LMF1: variants seen among roughly 807,000 people sequenced by gnomAD.
LMF1 encodes the protein transmembrane protein 112.
LMF1 carries 68 observed loss-of-function variants against 60.6 expected under a neutral mutation model. That is an observed-to-expected ratio of 1.12 (90% CI 0.92 to 1.37). The LOEUF (loss-of-function observed/expected upper bound fraction) is 1.37, where lower values mean the gene tolerates loss of function less well. Ranked by LOEUF, LMF1 falls within the 40% of genes most tolerant of loss-of-function variation. The pLI is 0.00. For synonymous variants in LMF1, 418 were observed against 324.7 expected (o/e 1.29, Z -3.09); for missense variants, 948 against 767.2 (o/e 1.24, Z -2.78).
chr16:932,226 C>T (rs111586631), intron 3 of LMF1, among the ~76,000 whole-genome samples: 8 of 152,134 alleles, frequency 5.3e-5, no homozygotes, highest in African/African-American at 9.7e-5. Flanking sequence ...GCCTCACAGG[C>T]GGGGGCACGG....
intron 10 of LMF1, among the ~76,000 whole-genome samples, chr16:861,446 C>T (rs2069464772): frequency 6.7e-6 from 1 of 149,500 alleles, no homozygotes. Context: ...TAACCTCTGC[C>T]TCCCCGGTAC....
chr16:954,077 C>T (rs2072600888), intron 2 of LMF1, among the ~76,000 whole-genome samples: 1 of 151,496 alleles, frequency 6.6e-6, no homozygotes, highest in Non-Finnish European at 1.5e-5. Flanking sequence ...ACTGCTTCTG[C>T]CTCCCTTTCC....
intron 4 of LMF1, chr16:893,304 C>A: frequency 1.6e-6 from 1 of 623,128 alleles, no homozygotes. Context: ...CGGGCGTGAG[C>A]AACAGTGGCT....
chr16:871,361 G>C lies in LMF1; in HGVS notation c.898-20C>G. On this transcript the variant is annotated intron_variant, in intron 6 of 10. Coordinates refer to ENST00000262301, the MANE Select transcript of LMF1 (RefSeq NM_022773.4). ...GACGGCCTGTGGAGACGCCGCAGCT[G>C]AGTCTCGTGCAGGGGCTCGTGTGGG... 6.2e-7 allele frequency: 1 copy of C among 1,610,590 alleles called. No homozygotes were observed. The highest frequency in any genetic ancestry group is 8.5e-7 in the Non-Finnish European group (1 of 1,179,196).
At chr16:922,391 C>G (rs185548617) in intron 3 of LMF1, among the ~76,000 whole-genome samples, 7 of 152,220 alleles carry the variant, frequency 4.6e-5, no homozygotes, top group Non-Finnish European at 7.3e-5. Context: ...GCAGGCAGAG[C>G]GGCCACTGGG....
intron 2 of LMF1, among the ~76,000 whole-genome samples, chr16:936,651 GC>G (rs1183095870): frequency 2.6e-5 from 4 of 152,192 alleles, no homozygotes; most frequent in African/African-American, 9.7e-5. Flanking sequence ...TACACTCCCT[GC>G]CCCCCTTTCC....
At chr16:880,651 A>G (rs1336647326) in intron 5 of LMF1, among the ~76,000 whole-genome samples, 1 of 152,276 alleles carries the variant, frequency 6.6e-6, no homozygotes, top group Non-Finnish European at 1.5e-5. Context: ...CCTAGGCAAC[A>G]GAACAAGACC....
chr16:934,794 G>A (rs957677767), intron 2 of LMF1, among the ~76,000 whole-genome samples: 3 of 152,216 alleles, frequency 2.0e-5, no homozygotes, highest in Non-Finnish European at 4.4e-5. Flanking sequence ...GGTGTCTAGA[G>A]GAGGCAGAGC....
chr16:945,487 C>A (rs1353482475), intron 2 of LMF1, among the ~76,000 whole-genome samples: 1 of 150,842 alleles, frequency 6.6e-6, no homozygotes, highest in African/African-American at 2.5e-5. Flanking sequence ...GACTGTGTGA[C>A]TGCATTCCAG....
chr16:956,416 G>C (rs563672493), intron 1 of LMF1, among the ~76,000 whole-genome samples: 1 of 152,256 alleles, frequency 6.6e-6, no homozygotes, highest in African/African-American at 2.4e-5. Context: ...GCAGTTGAAA[G>C]TAAAAAAGAT....
chr16:923,003 G>A (rs898030671), intron 3 of LMF1, among the ~76,000 whole-genome samples: 169 of 109,892 alleles, frequency 1.5e-3, no homozygotes, highest in South Asian at 2.4e-3. Context: ...GTGATGTGGT[G>A]TTGGTGTCGT....
intron 1 of LMF1, chr16:976,145 CCT>C (rs1294193791): frequency 8.8e-6 from 4 of 453,780 alleles, no homozygotes; most frequent in Non-Finnish European, 1.8e-5. Context: ...CCCCCCAGGC[CCT>C]GTGTCCCTTC....
chr16:955,521 C>G (rs1341604416), intron 1 of LMF1, among the ~76,000 whole-genome samples: 1 of 150,554 alleles, frequency 6.6e-6, no homozygotes, highest in Non-Finnish European at 1.5e-5. Flanking sequence ...AAAATGCGTG[C>G]CCGCAGCAGA....
chr16:938,149 G>A (rs531141934), intron 2 of LMF1, among the ~76,000 whole-genome samples: 2 of 152,350 alleles, frequency 1.3e-5, no homozygotes, highest in Admixed American at 6.5e-5. Flanking sequence ...AGACCACTGT[G>A]CCTCCCACTC....
intron 1 of LMF1, among the ~76,000 whole-genome samples, chr16:956,606 G>A (rs1026808453): frequency 4.6e-5 from 7 of 152,140 alleles, no homozygotes; most frequent in Admixed American, 1.3e-4. Flanking sequence ...CACTTTGGGA[G>A]GCCAAGGCAG....
intron 1 of LMF1, among the ~76,000 whole-genome samples, chr16:967,293 G>A (rs2072943884): frequency 6.6e-6 from 1 of 152,234 alleles, no homozygotes; most frequent in African/African-American, 2.4e-5. Context: ...GACCAGTGAG[G>A]GCCTCAATCT....
intron 4 of LMF1, chr16:905,234 C>G (rs1343080790): frequency 6.3e-6 from 1 of 159,858 alleles, no homozygotes; most frequent in Non-Finnish European, 1.3e-5. Flanking sequence ...GCACCGCCCA[C>G]AGGATGCCTG....
chr16:883,833 G>A (rs2070231520), intron 5 of LMF1: 1 of 151,518 alleles, frequency 6.6e-6, no homozygotes, highest in Non-Finnish European at 1.5e-5. Context: ...TGATCACTTT[G>A]ATTGTAGTTT....
In LMF1 at chr16:867,713, T is replaced by C. The variant is rs544683757; in HGVS notation, c.1529+1231A>G. Among the ~76,000 whole-genome samples the C allele has an allele frequency of 9.8e-4, 149 of 152,278 alleles. 1 individual carries two copies. The highest frequency in any genetic ancestry group is 3.4e-3 in the African/African-American group (140 of 41,576). On this transcript the variant is annotated intron_variant, in intron 10 of 10. Coordinates refer to ENST00000262301, the MANE Select transcript of LMF1 (RefSeq NM_022773.4). Reference sequence around the variant, plus strand: ...GGCCACCCCACCGGGGGCTCTGGGATGGAGCCTCCCCTGGACTGCCTGAGG... The same window carrying C: ...GGCCACCCCACCGGGGGCTCTGGGACGGAGCCTCCCCTGGACTGCCTGAGG...
Sources: allele counts gnomAD v4.1 joint callset (sites outside exome capture counted in the v4.1 genomes callset), GRCh38; gene constraint gnomAD v4.1.1; transcripts MANE v1.5; gene names NCBI Gene and HGNC (gene_info 2026-07-23, HGNC 2026-07-21).